Variants in DNAJC27 observed in about 807,000 individuals in gnomAD.
DNAJC27 encodes DnaJ heat shock protein family (Hsp40) member C27.
Under a neutral mutation model 31.4 loss-of-function variants are expected in DNAJC27, and 25 were observed. The ratio of observed to expected loss-of-function variants is 0.80; its 90% CI spans 0.58 to 1.11. The LOEUF is 1.11. Among genes scored for constraint, DNAJC27 ranks in the 50% most tolerant of loss-of-function variants. The probability of loss-of-function intolerance (pLI) is 0.00; values close to 1 mark genes in which losing one functional copy is unlikely to be tolerated. For synonymous variants in DNAJC27, 106 were observed against 112.7 expected (o/e 0.94, Z 0.37); for missense variants, 356 against 347.3 (o/e 1.02, Z -0.20).
In DNAJC27 at chr2:24,947,682, A is replaced by G; in HGVS notation, c.756T>C (p.Pro252=). 6.2e-7 allele frequency: 1 copy of G among 1,613,702 alleles called. No individual in the cohort carries two copies. ...VLLHPDKCVA[P]GSEDAFKAVV... ...CTGCTTTGAAGGCATCTTCACTGCCAGGTGCTACACATTTGTCAGGGTGAA... is the reference window on the plus strand; with the variant it reads ...CTGCTTTGAAGGCATCTTCACTGCCGGGTGCTACACATTTGTCAGGGTGAA... Residue 252 remains proline (P), a synonymous_variant, in exon 7 of 7, where the codon CCT becomes CCC. Transcript: ENST00000264711.
At chr2:24,965,468 C>G (rs904036893) in intron 2 of DNAJC27, among the ~76,000 whole-genome samples, 1 of 151,982 alleles carries the variant, frequency 6.6e-6, no homozygotes, top group Non-Finnish European at 1.5e-5. Flanking sequence ...GTTGGCCAGG[C>G]TGGTCTCAAA....
At chr2:24,961,138 T>C (rs1466656416) in intron 3 of DNAJC27, among the ~76,000 whole-genome samples, 1 of 152,216 alleles carries the variant, frequency 6.6e-6, no homozygotes, top group African/African-American at 2.4e-5. Context: ...CTGATGCTCA[T>C]TTGCCATAAT....
upstream of DNAJC27, chr2:24,972,062 G>T: frequency 3.7e-6 from 2 of 542,038 alleles, no homozygotes; most frequent in Non-Finnish European, 6.2e-6. Flanking sequence ...AGGCGCGGGC[G>T]GTTGGGAGCG....
chr2:24,954,426 C>G lies in DNAJC27; in HGVS notation c.528+2617G>C, dbSNP rs554933408. The stretch of plus-strand genomic sequence containing the variant: ...CCTAAAAATTATAGACTCATCCTAA[C>G]AAAACCTAAAACCAAGAGCTGACAA... On this transcript the variant is annotated intron_variant, in intron 5 of 6. Transcript: ENST00000264711. Among the ~76,000 whole-genome samples, 3 of 152,276 alleles carry G rather than the reference C, an allele frequency of 2.0e-5. No individual in the cohort carries two copies. The East Asian group carries it at 5.8e-4, about 29-fold the overall frequency.
rs997290604 is a variant in DNAJC27, at chr2:24,945,968, AG to A, written c.*1647del. 2.0e-5 allele frequency: 3 copies of A among 152,334 alleles called. No homozygotes were observed. Among genetic ancestry groups the A allele is most frequent in the African/African-American group, 7.2e-5 (3 of 41,594 alleles). 9.4% of individuals were successfully genotyped at this position (152,334 alleles called of 1,614,324 possible). On this transcript the variant is annotated 3_prime_UTR_variant, in exon 7 of 7. Transcript: ENST00000264711. ...GATAGCTTTTTAAAATTCACAGGAC[AG>A]GAAGATTTTATATACTTTCAAGCCC...
chr2:24,972,021 C>G (rs915613253), upstream of DNAJC27: 10 of 740,562 alleles, frequency 1.4e-5, no homozygotes, highest in Non-Finnish European at 2.0e-5. Context: ...CTCGCCTCCG[C>G]TGCTCGCCAT....
At chr2:24,952,963 A>G (rs1665816420) in intron 5 of DNAJC27, among the ~76,000 whole-genome samples, 1 of 151,920 alleles carries the variant, frequency 6.6e-6, no homozygotes, top group Non-Finnish European at 1.5e-5. Flanking sequence ...TATGTTGGCC[A>G]GGCTGGTCTC....
intron 5 of DNAJC27, among the ~76,000 whole-genome samples, chr2:24,954,419 A>T (rs1176758941): frequency 6.6e-6 from 1 of 152,180 alleles, no homozygotes; most frequent in Non-Finnish European, 1.5e-5. Context: ...TTATAGACTC[A>T]TCCTAACAAA....
chr2:24,957,691 G>C, intron 4 of DNAJC27, 119 bp downstream of exon 4: 2 of 959,422 alleles, frequency 2.1e-6, no homozygotes, highest in Admixed American at 4.9e-5. Flanking sequence ...ATTATGTTTT[G>C]AAAGGTTATT....
chr2:24,953,008 C>T (rs1270656732), intron 5 of DNAJC27, among the ~76,000 whole-genome samples: 1 of 152,088 alleles, frequency 6.6e-6, no homozygotes, highest in Non-Finnish European at 1.5e-5. Flanking sequence ...GTCTCAGCCT[C>T]CTGAGCAGCT....
chr2:24,959,778 T>C (rs1665997262), intron 3 of DNAJC27, among the ~76,000 whole-genome samples: 3 of 152,228 alleles, frequency 2.0e-5, no homozygotes, highest in African/African-American at 2.4e-5. Flanking sequence ...TCCAGCCCCC[T>C]ACTCCTGCAA....
chr2:24,950,389 C>T (rs573019695), intron 6 of DNAJC27, among the ~76,000 whole-genome samples: 5 of 152,118 alleles, frequency 3.3e-5, no homozygotes, highest in Admixed American at 2.0e-4. Context: ...GGAGTCTGGG[C>T]GCATATTGTA....
Position 24,957,034 on chromosome 2 carries a change from C to T in DNAJC27, c.528+9G>A. 6.2e-7 allele frequency: 1 copy of T among 1,602,828 alleles called. No homozygotes were observed. Among genetic ancestry groups the T allele is most frequent in the Non-Finnish European group, 8.5e-7 (1 of 1,176,282 alleles). ...ACACAAACCTTAAAACAACAAAATG[C>T]TAGCTTACCTGGAACATCTCATTAA... On this transcript the variant is annotated intron_variant, in intron 5 of 6. Coordinates refer to ENST00000264711, the MANE Select transcript of DNAJC27 (RefSeq NM_016544.3).
chr2:24,967,827 T>C (rs1428891893), intron 1 of DNAJC27, among the ~76,000 whole-genome samples: 2 of 152,200 alleles, frequency 1.3e-5, no homozygotes, highest in Admixed American at 1.3e-4. Flanking sequence ...TTCTCAATCC[T>C]GTGCTCTTTT....
chr2:24,957,837 A>G lies in DNAJC27; in HGVS notation c.378T>C (p.Asn126=). Residue 126 remains asparagine (N), a synonymous_variant, in exon 4 of 7, where the codon AAT becomes AAC. Transcript: ENST00000264711. ...TGTTGGCACAAACTACAAATATAAT[A>G]TTTTCCATGTTTCCATGAGGTCCAA... ...QELGPHGNME[N]IIFVVCANKI... 6.2e-7 allele frequency: 1 copy of G among 1,614,086 alleles called. No individual in the cohort carries two copies. Among genetic ancestry groups the G allele is most frequent in the Non-Finnish European group, 8.5e-7 (1 of 1,179,968 alleles).
chr2:24,964,309 C>A (rs1666123551), intron 2 of DNAJC27, among the ~76,000 whole-genome samples: 1 of 151,480 alleles, frequency 6.6e-6, no homozygotes, highest in African/African-American at 2.4e-5. Flanking sequence ...GTAGTCCCAG[C>A]TACTCAGGAG....
At chr2:24,963,963 G>A (rs1666112998) in intron 2 of DNAJC27, among the ~76,000 whole-genome samples, 1 of 152,194 alleles carries the variant, frequency 6.6e-6, no homozygotes, top group Non-Finnish European at 1.5e-5. Flanking sequence ...AAGAGCAATA[G>A]TGAATTTGTT....
At chr2:24,950,620 T>C (rs1343913508) in intron 6 of DNAJC27, among the ~76,000 whole-genome samples, 1 of 152,008 alleles carries the variant, frequency 6.6e-6, no homozygotes, top group African/African-American at 2.4e-5. Flanking sequence ...GCTGAGGCAG[T>C]TGGATCACCT....
chr2:24,948,695 T>C (rs1665701969), intron 6 of DNAJC27, among the ~76,000 whole-genome samples: 1 of 152,184 alleles, frequency 6.6e-6, no homozygotes. Context: ...GAGCCAAAAC[T>C]GGCTGGGGAG....
Sources: allele counts gnomAD v4.1 joint callset (sites outside exome capture counted in the v4.1 genomes callset), GRCh38; gene constraint gnomAD v4.1.1; transcripts MANE v1.5; gene names NCBI Gene and HGNC (gene_info 2026-07-23, HGNC 2026-07-21).